ERBB4: variants seen among roughly 807,000 people sequenced by gnomAD.
ERBB4 encodes erb-b2 receptor tyrosine kinase 4.
A neutral mutation model predicts 158.0 loss-of-function variants in ERBB4; 42 were observed. The observed-to-expected ratio is 0.27, with a 90% CI of 0.21 to 0.34. The LOEUF is 0.34. Among genes scored for constraint, ERBB4 ranks in the 10% least tolerant of loss-of-function variants. The pLI, the probability that ERBB4 is intolerant of heterozygous loss-of-function variation, is 1.00. For missense variants in ERBB4, 1,333 were observed against 1,624.1 expected (o/e 0.82, Z 3.08); for synonymous variants, 583 against 558.7 (o/e 1.04, Z -0.61).
At chr2:211,825,373 T>C (rs2077079374) in intron 3 of ERBB4, among the ~76,000 whole-genome samples, 2 of 151,868 alleles carry the variant, frequency 1.3e-5, no homozygotes, top group Non-Finnish European at 2.9e-5. Context: ...AACAGGCTCA[T>C]TGAAAAGAGC....
intron 3 of ERBB4, among the ~76,000 whole-genome samples, chr2:211,790,706 T>C (rs917527606): frequency 6.6e-5 from 10 of 152,182 alleles, no homozygotes; most frequent in Middle Eastern, 6.8e-3. Flanking sequence ...AAACTCAGCA[T>C]CTGCTAGCAA....
rs376747786 is a variant in ERBB4 at position 212,049,609 on chromosome 2, G to GA, written c.234+75142dup. On this transcript the variant is annotated intron_variant, in intron 2 of 27. Transcript: ENST00000342788. ...TACTTCTCAGTATTTAAAGTCATCA[G>GA]AAAAAAATGACATTTGTTTAAATAA... Among the ~76,000 whole-genome samples the GA allele has an allele frequency of 2.0e-5, 3 of 152,100 alleles. No individual in the cohort carries two copies. In the South Asian group the frequency reaches 6.2e-4, roughly 32 times the overall value.
At chr2:211,393,678 T>G (rs1429207636) in intron 25 of ERBB4, among the ~76,000 whole-genome samples, 1 of 151,938 alleles carries the variant, frequency 6.6e-6, no homozygotes, top group Non-Finnish European at 1.5e-5. Context: ...TTATTTTCAC[T>G]TAAATTAGTT....
At chr2:212,184,647 T>C (rs1320757638) in intron 1 of ERBB4, among the ~76,000 whole-genome samples, 1 of 98,552 alleles carries the variant, frequency 1.0e-5, no homozygotes, top group Non-Finnish European at 2.3e-5. Context: ...TGTTCGTTTG[T>C]TTTTGTTTAT....
intron 1 of ERBB4, among the ~76,000 whole-genome samples, chr2:212,304,172 G>A (rs1411290424): frequency 1.3e-5 from 2 of 151,484 alleles, no homozygotes; most frequent in East Asian, 3.9e-4. Context: ...AATTCAAGAA[G>A]AATGTGGAAG....
chr2:212,465,986 A>G (rs1382395625), intron 1 of ERBB4, among the ~76,000 whole-genome samples: 1 of 152,194 alleles, frequency 6.6e-6, no homozygotes, highest in Non-Finnish European at 1.5e-5. Flanking sequence ...ATAATAAAAA[A>G]CTTTAAGTGA....
At chr2:211,725,454 T>G (rs570489748) in intron 5 of ERBB4, among the ~76,000 whole-genome samples, 1 of 151,750 alleles carries the variant, frequency 6.6e-6, no homozygotes, top group East Asian at 1.9e-4. Flanking sequence ...CAAGAAAGAA[T>G]CCAATTTGAA....
intron 16 of ERBB4, among the ~76,000 whole-genome samples, chr2:211,650,373 A>T (rs1033943734): frequency 7.9e-5 from 12 of 152,214 alleles, no homozygotes; most frequent in Non-Finnish European, 1.3e-4. Context: ...GTAATTTTCA[A>T]TTTTAAAAGT....
intron 1 of ERBB4, among the ~76,000 whole-genome samples, chr2:212,417,586 G>A (rs1276077814): frequency 6.6e-6 from 1 of 151,944 alleles, no homozygotes; most frequent in African/African-American, 2.4e-5. Flanking sequence ...CAAGCATTTT[G>A]GATAAGGGAT....
intron 2 of ERBB4, among the ~76,000 whole-genome samples, chr2:211,987,987 T>C (rs2081980188): frequency 6.6e-6 from 1 of 152,164 alleles, no homozygotes; most frequent in African/African-American, 2.4e-5. Context: ...TCAAGTGACA[T>C]TACAAATTTC....
At chr2:212,047,262 T>C (rs2125386839) in intron 2 of ERBB4, among the ~76,000 whole-genome samples, 1 of 152,328 alleles carries the variant, frequency 6.6e-6, no homozygotes, top group Non-Finnish European at 1.5e-5. Flanking sequence ...ATTTGAATAA[T>C]CTATGAGTAT....
At chr2:211,515,825 G>C (rs2066007328) in intron 20 of ERBB4, among the ~76,000 whole-genome samples, 1 of 148,554 alleles carries the variant, frequency 6.7e-6, no homozygotes, top group Admixed American at 6.7e-5. Flanking sequence ...AGGCAGCTAA[G>C]TCAAGAAAGT....
At chr2:211,950,572 C>A (rs839525) in intron 2 of ERBB4, among the ~76,000 whole-genome samples, 1 of 151,968 alleles carries the variant, frequency 6.6e-6, no homozygotes, top group Non-Finnish European at 1.5e-5. Context: ...TCTTTCCCCC[C>A]AGTCACACAA....
chr2:211,858,316 G>A (rs746293911), intron 3 of ERBB4, among the ~76,000 whole-genome samples: 20 of 152,136 alleles, frequency 1.3e-4, no homozygotes, highest in Non-Finnish European at 2.6e-4. Context: ...TTACAGTCCC[G>A]TAGACAGTTC....
intron 1 of ERBB4, among the ~76,000 whole-genome samples, chr2:212,316,515 G>A (rs1024204609): frequency 1.3e-5 from 2 of 151,410 alleles, no homozygotes; most frequent in Non-Finnish European, 3.0e-5. Context: ...TCGCATTCAC[G>A]CTAAGTAAGC....
At chr2:212,343,057 T>A (rs2088800470) in intron 1 of ERBB4, among the ~76,000 whole-genome samples, 1 of 152,176 alleles carries the variant, frequency 6.6e-6, no homozygotes, top group South Asian at 2.1e-4. Context: ...AGTGCTCACC[T>A]AGAATTATGG....
At chr2:212,414,693 A>C (rs1286249580) in intron 1 of ERBB4, among the ~76,000 whole-genome samples, 1 of 152,232 alleles carries the variant, frequency 6.6e-6, no homozygotes, top group Non-Finnish European at 1.5e-5. Context: ...AAATGAGTAC[A>C]GACTTTCTTT....
At position 211,742,001 on chromosome 2, in the gene ERBB4, C is replaced by T. The variant is rs146484183; in HGVS notation, c.622+8638G>A. ...TGTTTACTTTAATTTTACAATATCTCCAGAAACCATAAATCCAAAAAAGGA... is the reference window on the plus strand; with the variant it reads ...TGTTTACTTTAATTTTACAATATCTTCAGAAACCATAAATCCAAAAAAGGA... On this transcript the variant is annotated intron_variant, in intron 5 of 27. Transcript: ENST00000342788. 6.6e-5 allele frequency among the ~76,000 whole-genome samples: 10 copies of T among 152,102 alleles called. No individual in the cohort carries two copies. The East Asian group carries it at 1.9e-3, about 29-fold the overall frequency.
intron 1 of ERBB4, among the ~76,000 whole-genome samples, chr2:212,377,960 C>T (rs1505373): frequency 0.46 from 68,976 of 151,290 alleles, 16,323 homozygotes; most frequent in African/African-American, 0.57. Flanking sequence ...CTATTTTTAT[C>T]TTTTAATTTT....
Sources: gnomAD v4.1 joint callset for allele counts (sites outside exome capture counted in the v4.1 genomes callset) on GRCh38, gnomAD v4.1.1 for gene constraint, MANE v1.5 for transcripts, NCBI Gene and HGNC (gene_info 2026-07-23, HGNC 2026-07-21) for gene names.